Variants in TTC6 observed in about 807,000 individuals in gnomAD.
The protein encoded by TTC6 is tetratricopeptide repeat protein 6.
TTC6 carries 172 observed loss-of-function variants against 210.4 expected under a neutral mutation model. The observed-to-expected ratio is 0.82, with a 90% CI of 0.72 to 0.93. The LOEUF is 0.93. Ranked by LOEUF, TTC6 falls within the 40% of genes least tolerant of loss-of-function variation. The pLI is 0.00. For missense variants in TTC6, 2,414 were observed against 2,318.1 expected, an observed-to-expected ratio of 1.04 and a Z score of -0.85; for synonymous variants, 804 against 819.6, an observed-to-expected ratio of 0.98 and a Z score of 0.32.
chr14:37,780,803 G>C (rs573234998), intron 14 of TTC6, among the ~76,000 whole-genome samples: 1 of 151,922 alleles, frequency 6.6e-6, no homozygotes, highest in Non-Finnish European at 1.5e-5. Flanking sequence ...CATGGACCCC[G>C]GTGTGTGGTG....
chr14:37,788,260 G>A (rs1246659753), intron 15 of TTC6, among the ~76,000 whole-genome samples: 1 of 152,120 alleles, frequency 6.6e-6, no homozygotes, highest in East Asian at 1.9e-4. Flanking sequence ...TCAGTGCTCA[G>A]TAAACAGCCT....
At chr14:37,730,018 C>G (rs915811923) in intron 7 of TTC6, among the ~76,000 whole-genome samples, 1 of 152,024 alleles carries the variant, frequency 6.6e-6, no homozygotes, top group East Asian at 1.9e-4. Flanking sequence ...TTGTCCACTC[C>G]CAATGACCAG....
chr14:37,641,200 A>G (rs2095691133), intron 1 of TTC6, among the ~76,000 whole-genome samples: 1 of 152,230 alleles, frequency 6.6e-6, no homozygotes, highest in Non-Finnish European at 1.5e-5. Flanking sequence ...TGTACATGGG[A>G]AGCTGTTTAT....
chr14:37,675,049 C>G (rs2095765984), intron 1 of TTC6, among the ~76,000 whole-genome samples: 1 of 151,956 alleles, frequency 6.6e-6, no homozygotes, highest in African/African-American at 2.4e-5. Flanking sequence ...TCATCACATC[C>G]AATTACTTTT....
chr14:37,644,944 ATACT>A (rs1474670007), intron 1 of TTC6, among the ~76,000 whole-genome samples: 2 of 152,196 alleles, frequency 1.3e-5, no homozygotes, highest in Admixed American at 6.6e-5. Flanking sequence ...AGGGCTAATA[ATACT>A]TACCTTAAAA....
intron 1 of TTC6, among the ~76,000 whole-genome samples, chr14:37,656,457 G>A (rs2139442196): frequency 6.6e-6 from 1 of 152,062 alleles, no homozygotes; most frequent in South Asian, 2.1e-4. Context: ...AATTTTGTAA[G>A]CTGCCTTGTG....
intron 6 of TTC6, chr14:37,720,661 T>C (rs185768087): frequency 1.4e-3 from 211 of 151,354 alleles, no homozygotes; most frequent in African/African-American, 4.7e-3. Context: ...TAATCACCAA[T>C]AAAAAGGAAT....
chr14:37,712,178 A>G (rs2095845705), intron 5 of TTC6, among the ~76,000 whole-genome samples: 1 of 152,132 alleles, frequency 6.6e-6, no homozygotes, highest in Admixed American at 6.5e-5. Context: ...CAACCAATCC[A>G]TATTTCTGTT....
chr14:37,743,320 ATTC>A (rs3062806), intron 10 of TTC6, among the ~76,000 whole-genome samples: 100,499 of 151,828 alleles, frequency 0.66, 33,819 homozygotes, highest in East Asian at 0.89. Context: ...TGGGACTATA[ATTC>A]TTCTTCATAA....
Position 37,790,722 on chromosome 14 carries a change from A to C in TTC6, c.3442A>C (p.Ile1148Leu), listed in dbSNP as rs748605852. ...ATTTTTTTAAACTTTTTAAGCACTC[A>C]TAAATGATGGCTATGAGAATCTTGG... is the stretch of plus-strand genomic sequence containing the variant. Residue 1148 changes from isoleucine to leucine, a missense_variant, in exon 16 of 31, where the codon ATA (isoleucine) becomes CTA (leucine). Transcript: ENST00000553443. 28 of 1,533,532 alleles carry C rather than the reference A, an allele frequency of 1.8e-5. No homozygotes were observed. The East Asian group carries it at 6.4e-4, about 35-fold the overall frequency. The allele number at this position is 1,533,532 out of a possible 1,614,324, so 95.0% of individuals were successfully genotyped here. A position where few individuals can be genotyped will look rare whatever the true frequency, so the allele number is the denominator to read the frequency against.
chr14:37,630,031 C>T (rs888364553), intron 1 of TTC6, among the ~76,000 whole-genome samples: 4 of 152,068 alleles, frequency 2.6e-5, no homozygotes, highest in African/African-American at 9.7e-5. Context: ...TAAACTAGTT[C>T]CTGGATTCAT....
intron 1 of TTC6, among the ~76,000 whole-genome samples, chr14:37,643,560 T>C (rs982864717): frequency 6.6e-6 from 1 of 152,124 alleles, no homozygotes; most frequent in African/African-American, 2.4e-5. Context: ...TCATCAGATT[T>C]TTTTCAGTCT....
intron 1 of TTC6, among the ~76,000 whole-genome samples, chr14:37,601,814 G>C (rs1351666312): frequency 1.3e-5 from 2 of 152,148 alleles, no homozygotes; most frequent in Non-Finnish European, 2.9e-5. Context: ...GGTGGTCAAC[G>C]TGTGACCCAA....
chr14:37,729,781 CTG>C (rs1330352478), intron 7 of TTC6, among the ~76,000 whole-genome samples: 1 of 152,042 alleles, frequency 6.6e-6, no homozygotes, highest in Non-Finnish European at 1.5e-5. Context: ...AGTAGGGAGT[CTG>C]TAATATGAGT....
intron 13 of TTC6, 137 bp downstream of exon 15, chr14:37,751,362 T>A (rs1284389593): frequency 3.9e-6 from 2 of 509,718 alleles, no homozygotes; most frequent in Non-Finnish European, 3.1e-6. Context: ...GGTTAGGAGC[T>A]AGAGTTTTCA....
chr14:37,732,357 T>C (rs942697515), intron 7 of TTC6, among the ~76,000 whole-genome samples: 1 of 150,914 alleles, frequency 6.6e-6, no homozygotes, highest in African/African-American at 2.4e-5. Context: ...TAATTTTTCG[T>C]ATTTTTTAGT....
At chr14:37,785,613 T>C (rs929676202) in intron 14 of TTC6, among the ~76,000 whole-genome samples, 5 of 152,246 alleles carry the variant, frequency 3.3e-5, no homozygotes, top group African/African-American at 1.2e-4. Flanking sequence ...TCTGAAGCCT[T>C]TTTCTCTCAA....
chr14:37,832,464 A>G (rs1444951072), intron 29 of TTC6, among the ~76,000 whole-genome samples: 2 of 151,332 alleles, frequency 1.3e-5, no homozygotes, highest in Admixed American at 1.3e-4. Flanking sequence ...AACTCTATAA[A>G]TGTCCCTCTT....
intron 28 of TTC6, 86 bp from the exon 31 acceptor site, chr14:37,827,110 G>C: frequency 9.2e-7 from 1 of 1,086,222 alleles, no homozygotes; most frequent in Non-Finnish European, 1.3e-6. Flanking sequence ...CCCACAAGTA[G>C]ATTCCCTAAT....
Sources: allele counts gnomAD v4.1 joint callset (sites outside exome capture counted in the v4.1 genomes callset), GRCh38; gene constraint gnomAD v4.1.1; transcripts MANE v1.5; gene names NCBI Gene and HGNC (gene_info 2026-07-23, HGNC 2026-07-21).